RAD51B: variants seen among roughly 807,000 people sequenced by gnomAD.
The protein encoded by RAD51B is RAD51 paralog B, also known as DNA repair protein RAD51 homolog 2.
A neutral mutation model predicts 42.2 loss-of-function variants in RAD51B; 38 were observed. The observed-to-expected ratio is 0.90, with a 90% CI of 0.70 to 1.18. RAD51B has a LOEUF of 1.18. Among genes scored for constraint, RAD51B ranks in the 50% most tolerant of loss-of-function variants. The pLI is 0.00. For missense variants in RAD51B, 373 were observed against 400.7 expected (o/e 0.93, Z 0.59); for synonymous variants, 154 against 145.2 (o/e 1.06, Z -0.43).
At chr14:67,848,756 G>A (rs2041707691) in intron 4 of RAD51B, among the ~76,000 whole-genome samples, 1 of 152,114 alleles carries the variant, frequency 6.6e-6, no homozygotes, top group South Asian at 2.1e-4. Flanking sequence ...TTTCCTGAAG[G>A]ACCTCTTATA....
chr14:68,239,225 G>A (rs2080332047), intron 7 of RAD51B, among the ~76,000 whole-genome samples: 1 of 152,068 alleles, frequency 6.6e-6, no homozygotes, highest in East Asian at 1.9e-4. Context: ...TTAGACACCT[G>A]TCCTTCCTAT....
rs529441037 is a variant in RAD51B at position 68,074,787 on chromosome 14, C to A, written c.756+187583C>A. ...ATTCTTGTCCTTGGTTCCCCAGAAG[C>A]GTATATTAGCAAAGTATTTTTGGTG... On this transcript the variant is annotated intron_variant, in intron 7 of 10. Coordinates refer to ENST00000471583, the MANE Select transcript of RAD51B (RefSeq NM_133510.4). Among the ~76,000 whole-genome samples the A allele has an allele frequency of 1.4e-4, 21 of 152,252 alleles. No homozygotes were observed. The South Asian group carries it at 4.4e-3, about 32-fold the overall frequency.
chr14:67,979,847 A>G (rs1341082152), intron 7 of RAD51B, among the ~76,000 whole-genome samples: 2 of 152,128 alleles, frequency 1.3e-5, no homozygotes, highest in Non-Finnish European at 2.9e-5. Context: ...TTAAATATAT[A>G]CTCTGTTAAT....
chr14:67,958,595 C>A (rs1165983425), intron 7 of RAD51B, among the ~76,000 whole-genome samples: 1 of 152,146 alleles, frequency 6.6e-6, no homozygotes, highest in Non-Finnish European at 1.5e-5. Flanking sequence ...TAGTAAAAAA[C>A]AATATTTCTC....
At chr14:68,486,132 T>C (rs982260392) in intron 10 of RAD51B, among the ~76,000 whole-genome samples, 2 of 152,250 alleles carry the variant, frequency 1.3e-5, no homozygotes, top group Admixed American at 1.3e-4. Flanking sequence ...GAGGCTAGTC[T>C]AAATGTCTGT....
At chr14:68,674,871 G>C (rs532635014) in intron 11 of RAD51B, among the ~76,000 whole-genome samples, 22 of 152,302 alleles carry the variant, frequency 1.4e-4, no homozygotes, top group Admixed American at 3.3e-4. Flanking sequence ...ACTTCTCCCT[G>C]TGGAAGGGGA....
intron 7 of RAD51B, among the ~76,000 whole-genome samples, chr14:67,947,979 TG>T (rs2045453489): frequency 6.6e-6 from 1 of 152,356 alleles, no homozygotes; most frequent in Admixed American, 6.5e-5. Context: ...GGAAAGAAGA[TG>T]TTTTTCAGAA....
Position 68,322,578 on chromosome 14 carries a change from A to C in RAD51B, c.853+30598A>C, listed in dbSNP as rs116405344. On this transcript the variant is annotated intron_variant, in intron 8 of 10. Transcript: ENST00000471583. ...TGTGTATCATTCCCATGCCTTGTGC[A>C]TAAGTGGTACTCTATCCATGTGTTT... Among the ~76,000 whole-genome samples the C allele has an allele frequency of 4.7e-3, 711 of 152,314 alleles. 5 individuals carry two copies. Among genetic ancestry groups the C allele is most frequent in the African/African-American group, 0.016 (653 of 41,558 alleles).
At chr14:68,257,608 T>C (rs1267259024) in intron 7 of RAD51B, among the ~76,000 whole-genome samples, 5 of 152,148 alleles carry the variant, frequency 3.3e-5, no homozygotes, top group Admixed American at 1.3e-4. Context: ...AAAATGTGTA[T>C]ATATGGAGCA....
Position 68,151,589 on chromosome 14 carries a change from C to G in RAD51B, c.757-140295C>G, listed in dbSNP as rs141897723. ...CCCACAGCTCACTAATGTCCCACAG[C>G]TCCATTCATTTTTCTTGGTTTTTTG... is the stretch of plus-strand genomic sequence containing the variant. On this transcript the variant is annotated intron_variant, in intron 7 of 10. Coordinates refer to ENST00000471583, the MANE Select transcript of RAD51B (RefSeq NM_133510.4). Among the ~76,000 whole-genome samples, 745 of 151,968 alleles carry G rather than the reference C, an allele frequency of 4.9e-3. 4 individuals are homozygous for G. The highest frequency in any genetic ancestry group is 0.017 in the African/African-American group (714 of 41,472).
At chr14:68,655,207 ATC>A (rs374546216) in intron 11 of RAD51B, among the ~76,000 whole-genome samples, 3,173 of 151,154 alleles carry the variant, frequency 0.021, 54 homozygotes, top group Non-Finnish European at 0.034. Context: ...GCTGATGGTG[ATC>A]TCTCTCTCTC....
chr14:68,357,485 G>C (rs944672977), intron 8 of RAD51B, among the ~76,000 whole-genome samples: 21 of 151,756 alleles, frequency 1.4e-4, no homozygotes, highest in Non-Finnish European at 2.4e-4. Flanking sequence ...TCTTCTGAAT[G>C]GCATCTAGAA....
At chr14:67,896,405 T>C (rs1171973815) in intron 7 of RAD51B, among the ~76,000 whole-genome samples, 1 of 152,212 alleles carries the variant, frequency 6.6e-6, no homozygotes, top group African/African-American at 2.4e-5. Context: ...GTATGATGCA[T>C]GAACTTCTGT....
At chr14:67,900,664 A>G (rs940517375) in intron 7 of RAD51B, among the ~76,000 whole-genome samples, 1 of 149,546 alleles carries the variant, frequency 6.7e-6, no homozygotes, top group African/African-American at 2.4e-5. Flanking sequence ...TATATATTTG[A>G]AGGAGTTACA....
At chr14:67,893,475 C>G (rs866732223) in intron 7 of RAD51B, among the ~76,000 whole-genome samples, 11 of 56,208 alleles carry the variant, frequency 2.0e-4, no homozygotes, top group African/African-American at 6.0e-4. Context: ...CAGACACACA[C>G]ACACACACAC....
chr14:68,326,948 C>A (rs536217234), intron 8 of RAD51B, among the ~76,000 whole-genome samples: 1 of 152,046 alleles, frequency 6.6e-6, no homozygotes, highest in South Asian at 2.1e-4. Flanking sequence ...CACAGCCAGT[C>A]CATAGCCCAA....
chr14:68,167,293 A>G (rs1192004489), intron 7 of RAD51B, among the ~76,000 whole-genome samples: 2 of 152,032 alleles, frequency 1.3e-5, no homozygotes, highest in African/African-American at 4.8e-5. Flanking sequence ...CATTCTCTCC[A>G]CCCACTTCTT....
chr14:67,908,056 C>T (rs577211869), intron 7 of RAD51B, among the ~76,000 whole-genome samples: 1 of 152,192 alleles, frequency 6.6e-6, no homozygotes, highest in African/African-American at 2.4e-5. Context: ...AAAAAAATAC[C>T]TATTTGTTTA....
At chr14:68,501,717 G>A (rs2140298751) in intron 10 of RAD51B, among the ~76,000 whole-genome samples, 1 of 152,390 alleles carries the variant, frequency 6.6e-6, no homozygotes, top group Admixed American at 6.5e-5. Context: ...AGCTCAGCTG[G>A]CCCGGTGCCC....
Sources: gnomAD v4.1 joint callset for allele counts (sites outside exome capture counted in the v4.1 genomes callset) on GRCh38, gnomAD v4.1.1 for gene constraint, MANE v1.5 for transcripts, NCBI Gene and HGNC (gene_info 2026-07-23, HGNC 2026-07-21) for gene names.